ATG10: variants seen among roughly 807,000 people sequenced by gnomAD.
The protein encoded by ATG10 is autophagy related 10.
ATG10 carries 30 observed loss-of-function variants against 32.1 expected under a neutral mutation model. The observed-to-expected ratio is 0.94, with a 90% CI of 0.70 to 1.27. The LOEUF (loss-of-function observed/expected upper bound fraction) is 1.27, where lower values mean the gene tolerates loss of function less well. Ranked by LOEUF, ATG10 falls within the 50% of genes most tolerant of loss-of-function variation. The pLI, the probability that ATG10 is intolerant of heterozygous loss-of-function variation, is 0.00. For missense variants in ATG10, 233 were observed against 262.3 expected (o/e 0.89, Z 0.77); for synonymous variants, 87 against 91.5 (o/e 0.95, Z 0.28).
At chr5:82,066,211 T>C (rs575929152) in intron 3 of ATG10, among the ~76,000 whole-genome samples, 6 of 152,196 alleles carry the variant, frequency 3.9e-5, no homozygotes, top group Non-Finnish European at 8.8e-5. Context: ...TTCCATAGAA[T>C]AGAGATAACC....
At chr5:81,978,180 C>T (rs1253872638) in intron 1 of ATG10, among the ~76,000 whole-genome samples, 1 of 152,132 alleles carries the variant, frequency 6.6e-6, no homozygotes, top group East Asian at 1.9e-4. Context: ...TGCAATTCTC[C>T]TGCCTCAGCC....
At chr5:82,083,436 C>G (rs1764555936) in intron 3 of ATG10, among the ~76,000 whole-genome samples, 1 of 152,206 alleles carries the variant, frequency 6.6e-6, no homozygotes, top group Admixed American at 6.5e-5. Context: ...GTAGCAGAAA[C>G]TTGTGCAGAC....
chr5:82,091,604 G>C (rs1764888930), intron 3 of ATG10, among the ~76,000 whole-genome samples: 1 of 152,108 alleles, frequency 6.6e-6, no homozygotes, highest in African/African-American at 2.4e-5. Context: ...CTATTATAGT[G>C]ATTTCCATAA....
chr5:82,058,448 T>C (rs1763669061), intron 2 of ATG10, 47 bp from the exon 3 acceptor site: 1 of 1,369,398 alleles, frequency 7.3e-7, no homozygotes, highest in Admixed American at 1.7e-5. Context: ...GATGAATTCT[T>C]AAAATAATTG....
intron 3 of ATG10, among the ~76,000 whole-genome samples, chr5:82,149,964 A>G (rs544904698): frequency 6.6e-6 from 1 of 152,286 alleles, no homozygotes; most frequent in South Asian, 2.1e-4. Context: ...TTGCAAGTGA[A>G]TTGCTTGAGT....
intron 2 of ATG10, among the ~76,000 whole-genome samples, chr5:82,040,880 G>T (rs1024002570): frequency 6.6e-6 from 1 of 152,118 alleles, no homozygotes; most frequent in Non-Finnish European, 1.5e-5. Flanking sequence ...TGTTCTTCAT[G>T]TACACCAAAC....
intron 3 of ATG10, among the ~76,000 whole-genome samples, chr5:82,141,650 T>TA (rs377307726): frequency 0.022 from 3,236 of 150,030 alleles, 115 homozygotes; most frequent in African/African-American, 0.075. Flanking sequence ...TTACTTTAGA[T>TA]AAAAAAAAAA....
intron 2 of ATG10, among the ~76,000 whole-genome samples, chr5:81,989,022 A>G (rs1761374063): frequency 6.6e-6 from 1 of 150,924 alleles, no homozygotes; most frequent in African/African-American, 2.4e-5. Flanking sequence ...AGTAGAGACA[A>G]GGTTTGGCCA....
intron 3 of ATG10, among the ~76,000 whole-genome samples, chr5:82,090,607 TAGG>T (rs1764849529): frequency 6.6e-6 from 1 of 152,064 alleles, no homozygotes; most frequent in Non-Finnish European, 1.5e-5. Flanking sequence ...GGGGTGGGGA[TAGG>T]AGGGTGGTGG....
rs1746165671 is a variant in ATG10 at position 82,227,188 on chromosome 5, C to T, written c.454-25374C>T. 2.0e-5 allele frequency among the ~76,000 whole-genome samples: 3 copies of T among 151,984 alleles called. No homozygotes were observed. In the South Asian group the frequency reaches 6.2e-4, roughly 32 times the overall value. Reference sequence around the variant, plus strand: ...AGAAGGCACCTGTGGTTGAGATTTTCCTTGTTCCCCTCCCCTTTTTTACTT... The same window carrying T: ...AGAAGGCACCTGTGGTTGAGATTTTTCTTGTTCCCCTCCCCTTTTTTACTT... On this transcript the variant is annotated intron_variant, in intron 5 of 7. Transcript: ENST00000282185.
chr5:82,007,769 T>A (rs1762024225), intron 2 of ATG10, among the ~76,000 whole-genome samples: 1 of 152,196 alleles, frequency 6.6e-6, no homozygotes, highest in African/African-American at 2.4e-5. Flanking sequence ...TTCATATTTT[T>A]AAATACAATT....
At chr5:82,060,581 G>A (rs963518043) in intron 3 of ATG10, among the ~76,000 whole-genome samples, 1 of 152,108 alleles carries the variant, frequency 6.6e-6, no homozygotes, top group African/African-American at 2.4e-5. Flanking sequence ...GGTTCATGTC[G>A]GCCGGGTGCG....
chr5:82,178,643 T>C (rs1744123859), intron 5 of ATG10, 56 bp downstream of exon 5: 2 of 1,155,128 alleles, frequency 1.7e-6, no homozygotes, highest in African/African-American at 3.0e-5. Context: ...TTCCCGCTGC[T>C]CATCTTTTCT....
chr5:82,213,307 G>A lies in ATG10; in HGVS notation c.453+34720G>A, dbSNP rs181214571. 1.2e-3 allele frequency among the ~76,000 whole-genome samples: 189 copies of A among 152,228 alleles called. 2 individuals are homozygous for A. The highest frequency in any genetic ancestry group is 3.1e-3 in the Admixed American group (47 of 15,284). On this transcript the variant is annotated intron_variant, in intron 5 of 7. Coordinates refer to ENST00000282185, the MANE Select transcript of ATG10 (RefSeq NM_031482.5). ...GACTAAGAGTTGGTTCCTCTTGACC[G>A]TGGTCTTGGCTAGTTACCTCTCTCT...
intron 3 of ATG10, among the ~76,000 whole-genome samples, chr5:82,125,126 T>C (rs1766213541): frequency 6.6e-6 from 1 of 152,222 alleles, no homozygotes; most frequent in African/African-American, 2.4e-5. Flanking sequence ...CACCCACTTT[T>C]TGATGGGATT....
At chr5:82,100,945 C>A (rs1285126921) in intron 3 of ATG10, among the ~76,000 whole-genome samples, 1 of 151,948 alleles carries the variant, frequency 6.6e-6, no homozygotes, top group Non-Finnish European at 1.5e-5. Context: ...TTGCATTGAG[C>A]TGTATTCTGA....
At chr5:82,020,883 C>T (rs1011477600) in intron 2 of ATG10, among the ~76,000 whole-genome samples, 1 of 152,056 alleles carries the variant, frequency 6.6e-6, no homozygotes, top group Non-Finnish European at 1.5e-5. Flanking sequence ...CCACAATTAC[C>T]AGGTACAAAA....
intron 3 of ATG10, among the ~76,000 whole-genome samples, chr5:82,065,430 C>T (rs1236502249): frequency 2.7e-5 from 4 of 150,864 alleles, no homozygotes; most frequent in Admixed American, 6.6e-5. Flanking sequence ...TGTAGTGAGC[C>T]GAGATTGCAC....
chr5:82,073,468 G>A (rs1262865145), intron 3 of ATG10: 2 of 152,130 alleles, frequency 1.3e-5, no homozygotes. Context: ...AAGAACAAGG[G>A]CTTTAAAATT....
Sources: gnomAD v4.1 joint callset for allele counts (sites outside exome capture counted in the v4.1 genomes callset) on GRCh38, gnomAD v4.1.1 for gene constraint, MANE v1.5 for transcripts, NCBI Gene and HGNC (gene_info 2026-07-23, HGNC 2026-07-21) for gene names.